WDR44: variants seen among roughly 807,000 people sequenced by gnomAD.
WDR44 encodes the protein WD repeat domain 44.
In WDR44, 9 loss-of-function variants were observed where a neutral mutation model predicts 65.7. The observed-to-expected ratio is 0.14, with a 90% CI of 0.08 to 0.24. The LOEUF (loss-of-function observed/expected upper bound fraction) is 0.24, where lower values mean the gene tolerates loss of function less well. WDR44 is among the 10% of genes least tolerant of loss of function. WDR44 has a pLI of 1.00. For missense variants in WDR44, 425 were observed against 670.9 expected (o/e 0.63, Z 4.05); for synonymous variants, 220 against 235.2 (o/e 0.94, Z 0.59).
At chrX:118,350,281 C>T (rs1309964601) in intron 1 of WDR44, among the ~76,000 whole-genome samples, 1 of 111,822 alleles carries the variant, frequency 8.9e-6, no homozygotes, top group African/African-American at 3.3e-5. Flanking sequence ...CTTGTAAAAG[C>T]TGCCACAGCA....
In WDR44 at chrX:118,361,490, C is replaced by A. The variant is rs2056511345; in HGVS notation, c.77+14910C>A. Among the ~76,000 whole-genome samples, 4 of 112,117 alleles carry A rather than the reference C, an allele frequency of 3.6e-5. No individual in the cohort carries two copies. In the Admixed American group the frequency reaches 3.8e-4, roughly 11 times the overall value. ...GGGCACAGTGGCTCATGCCTGTAAT[C>A]CCGAGGCAGGCGGGGGGCCAAGGCA... On this transcript the variant is annotated intron_variant, in intron 1 of 19. Transcript: ENST00000254029.
intron 1 of WDR44, among the ~76,000 whole-genome samples, chrX:118,352,318 T>TTTTATATA (rs1249579808): frequency 5.9e-5 from 1 of 16,877 alleles, no homozygotes; most frequent in African/African-American, 2.7e-4. Context: ...CCCAGCTAAT[T>TTTTATATA]TATATATATA....
intron 2 of WDR44, 122 bp downstream of exon 2, chrX:118,378,574 G>C: frequency 1.7e-6 from 1 of 591,785 alleles, no homozygotes. Flanking sequence ...CAGTAATGTA[G>C]TCATTATGTC....
chrX:118,414,061 T>C (rs192455347), intron 12 of WDR44, among the ~76,000 whole-genome samples: 1 of 111,317 alleles, frequency 9.0e-6, no homozygotes, highest in Non-Finnish European at 1.9e-5. Flanking sequence ...TTTATACCAG[T>C]ACCATACTGT....
chrX:118,411,439 A>G (rs2057012294), intron 12 of WDR44, among the ~76,000 whole-genome samples: 1 of 112,207 alleles, frequency 8.9e-6, no homozygotes, highest in African/African-American at 3.2e-5. Flanking sequence ...ATAAAGCAGA[A>G]TACACAATAT....
In WDR44 at chrX:118,442,395, G is replaced by A. The variant is rs1270679100; in HGVS notation, c.2268+50G>A. ...CTCTCCATACTATATGTAGATTCTT[G>A]AAAGTTCTTAATATCTTGGCAAAAA... is the stretch of plus-strand genomic sequence containing the variant. On this transcript the variant is annotated intron_variant, in intron 16 of 19. Transcript: ENST00000254029. The A allele has an allele frequency of 2.8e-6, 3 of 1,066,569 alleles. No homozygotes were observed. In the Admixed American group the frequency reaches 7.2e-5, roughly 26 times the overall value. The allele number at this position is 1,066,569 out of a possible 1,213,427, so 87.9% of individuals were successfully genotyped here. A position where few individuals can be genotyped will look rare whatever the true frequency, so the allele number is the denominator to read the frequency against.
At chrX:118,387,278 A>G (rs1183444892) in intron 2 of WDR44, 62 bp from the exon 3 acceptor site, 2 of 831,361 alleles carry the variant, frequency 2.4e-6, no homozygotes, top group Admixed American at 6.2e-5. Flanking sequence ...TACCCCTTTA[A>G]AGCATATTTT....
intron 3 of WDR44, among the ~76,000 whole-genome samples, chrX:118,389,305 A>G (rs897927027): frequency 2.7e-5 from 3 of 112,456 alleles, no homozygotes; most frequent in African/African-American, 9.7e-5. Flanking sequence ...TAAGTATTCA[A>G]ATAAACTTAG....
intron 14 of WDR44, among the ~76,000 whole-genome samples, chrX:118,437,168 A>G (rs2057261319): frequency 9.0e-6 from 1 of 111,616 alleles, no homozygotes; most frequent in African/African-American, 3.2e-5. Flanking sequence ...AGAAATAATG[A>G]GAAGATTGGG....
intron 1 of WDR44, among the ~76,000 whole-genome samples, chrX:118,350,842 G>A (rs932536658): frequency 9.0e-6 from 1 of 111,576 alleles, no homozygotes; most frequent in Non-Finnish European, 1.9e-5. Flanking sequence ...GAAGGGACTG[G>A]AGATCATTTT....
chrX:118,381,565 C>T (rs28846827), intron 2 of WDR44, among the ~76,000 whole-genome samples: 44,444 of 104,302 alleles, frequency 0.43, 10,516 homozygotes, highest in African/African-American at 0.86. Flanking sequence ...TCTTTTCTTT[C>T]GTTCTTTCTT....
chrX:118,358,132 A>G (rs1315822065), intron 1 of WDR44, among the ~76,000 whole-genome samples: 1 of 112,320 alleles, frequency 8.9e-6, no homozygotes, highest in Non-Finnish European at 1.9e-5. Context: ...AACAAAAATG[A>G]TTTCTATAGG....
intron 12 of WDR44, among the ~76,000 whole-genome samples, chrX:118,430,394 T>G (rs1488439727): frequency 9.5e-6 from 1 of 105,045 alleles, no homozygotes; most frequent in Non-Finnish European, 1.9e-5. Context: ...ATACAAAAAT[T>G]AGCCAGGCAC....
intron 7 of WDR44, 98 bp downstream of exon 7, chrX:118,397,204 A>C: frequency 1.3e-6 from 1 of 768,055 alleles, no homozygotes; most frequent in Non-Finnish European, 1.8e-6. Context: ...GGTTTCATTC[A>C]GTCTTTTTTC....
chrX:118,395,799 G>GATT (rs1168503958), intron 6 of WDR44, among the ~76,000 whole-genome samples: 2 of 111,481 alleles, frequency 1.8e-5, no homozygotes, highest in Non-Finnish European at 3.8e-5. Context: ...AAGGTGGGCA[G>GATT]GTCACTTGAG....
intron 11 of WDR44, among the ~76,000 whole-genome samples, chrX:118,410,558 C>CT (rs1355477056): frequency 9.0e-6 from 1 of 111,647 alleles, no homozygotes; most frequent in African/African-American, 3.3e-5. Flanking sequence ...GCCCTTGAGA[C>CT]TAACCCCAGC....
chrX:118,413,552 G>GT (rs1433228779), intron 12 of WDR44, among the ~76,000 whole-genome samples: 1 of 111,325 alleles, frequency 9.0e-6, no homozygotes, highest in African/African-American at 3.3e-5. Flanking sequence ...TTACTGATTT[G>GT]TTTGAGTTTG....
At chrX:118,350,475 A>C (rs1303607052) in intron 1 of WDR44, among the ~76,000 whole-genome samples, 1 of 111,926 alleles carries the variant, frequency 8.9e-6, no homozygotes, top group Non-Finnish European at 1.9e-5. Context: ...TACACTCTTG[A>C]GAACCCTTCC....
intron 19 of WDR44, among the ~76,000 whole-genome samples, chrX:118,448,099 T>C (rs1462002211): frequency 2.7e-5 from 3 of 109,474 alleles, no homozygotes; most frequent in African/African-American, 9.9e-5. Flanking sequence ...CTGTGAGATA[T>C]GCCAAAAGGG....
Sources: allele counts gnomAD v4.1 joint callset (sites outside exome capture counted in the v4.1 genomes callset), GRCh38; gene constraint gnomAD v4.1.1; transcripts MANE v1.5; gene names NCBI Gene and HGNC (gene_info 2026-07-23, HGNC 2026-07-21).